Variants in TECPR2 observed in about 807,000 individuals in gnomAD.
The protein encoded by TECPR2 is tectonin beta-propeller repeat containing 2, also known as tectonin beta-propeller repeat-containing protein 2.
A neutral mutation model predicts 138.1 loss-of-function variants in TECPR2; 65 were observed. That is an observed-to-expected ratio of 0.47 (90% confidence interval 0.39 to 0.58). The LOEUF (loss-of-function observed/expected upper bound fraction) is 0.58. Ranked by LOEUF, TECPR2 falls within the 20% of genes least tolerant of loss-of-function variation. The pLI is 0.00. For missense variants in TECPR2, 1,553 were observed against 1,824.5 expected, an observed-to-expected ratio of 0.85 and a Z score of 2.71; for synonymous variants, 746 against 749.8, an observed-to-expected ratio of 0.99 and a Z score of 0.08.
intron 5 of TECPR2, among the ~76,000 whole-genome samples, chr14:102,424,184 C>T (rs1001402715): frequency 5.9e-5 from 9 of 152,176 alleles, no homozygotes; most frequent in South Asian, 2.1e-4. Flanking sequence ...AGACTTGCAC[C>T]ACATGTGACT....
intron 16 of TECPR2, among the ~76,000 whole-genome samples, chr14:102,459,377 A>G (rs993990094): frequency 6.6e-6 from 1 of 152,212 alleles, no homozygotes; most frequent in Non-Finnish European, 1.5e-5. Flanking sequence ...GTCATCACAC[A>G]CAGTAGCCTG....
chr14:102,417,603 A>G (rs1889059736), intron 5 of TECPR2, among the ~76,000 whole-genome samples: 1 of 152,254 alleles, frequency 6.6e-6, no homozygotes, highest in South Asian at 2.1e-4. Flanking sequence ...CTGGAAGAGC[A>G]TTCCAGGCTC....
At chr14:102,424,035 TG>T (rs766872253) in intron 5 of TECPR2, among the ~76,000 whole-genome samples, 4 of 152,196 alleles carry the variant, frequency 2.6e-5, no homozygotes, top group Non-Finnish European at 4.4e-5. Context: ...ACCTAACAAC[TG>T]GAATATATTC....
At chr14:102,489,345 G>A (rs1309574268) in intron 17 of TECPR2, among the ~76,000 whole-genome samples, 10 of 151,946 alleles carry the variant, frequency 6.6e-5, no homozygotes, top group South Asian at 2.1e-4. Context: ...CTGGCTGGGC[G>A]CGGTGGCTCA....
intron 17 of TECPR2, among the ~76,000 whole-genome samples, chr14:102,472,584 T>A (rs1890673368): frequency 6.6e-6 from 1 of 152,226 alleles, no homozygotes; most frequent in African/African-American, 2.4e-5. Context: ...GACATTCAGT[T>A]TGCCATGGAT....
intron 2 of TECPR2, among the ~76,000 whole-genome samples, chr14:102,396,081 T>C (rs1372004776): frequency 6.6e-6 from 1 of 151,402 alleles, no homozygotes. Flanking sequence ...GAAATACCTT[T>C]CTTGTTGAAG....
chr14:102,431,731 G>A (rs1185410201), intron 7 of TECPR2, 65 bp from the exon 8 acceptor site: 17 of 1,446,028 alleles, frequency 1.2e-5, no homozygotes, highest in Admixed American at 4.6e-5. Context: ...GCTAGCAAAC[G>A]TGGATAAGTG....
chr14:102,438,495 C>A, intron 10 of TECPR2: 1 of 325,432 alleles, frequency 3.1e-6, no homozygotes, highest in Non-Finnish European at 5.6e-6. Flanking sequence ...GTAAGCTAGA[C>A]AAAAAGTTTG....
At position 102,434,462 on chromosome 14, in the gene TECPR2, G is replaced by T. The variant is rs1257886017; in HGVS notation, c.1645G>T (p.Val549Phe). Residue 549 changes from valine (V) to phenylalanine (F), a missense_variant, in exon 9 of 20, where the codon GTC becomes TTC. By Grantham distance (50) the Val-to-Phe change is conservative (BLOSUM62 -1). Coordinates refer to ENST00000359520, the MANE Select transcript of TECPR2 (RefSeq NM_014844.5). ...AAATACTGACCCCGAAACGTTTAAT[G>T]TCCTGGAGGTGTCAGGATCAATGCC... is the stretch of plus-strand genomic sequence containing the variant. ...QENTDPETFN[V>F]LEVSGSMPDS... The T allele has an allele frequency of 1.3e-6, 2 of 1,550,538 alleles. No individual in the cohort carries two copies. The highest frequency in any genetic ancestry group is 2.7e-5 in the African/African-American group (2 of 72,938).
Position 102,449,623 on chromosome 14 carries a change from T to C in TECPR2, c.3076-6T>C. ...AGCAGGGCTTTTGCTTGTCTCCTCC[T>C]TCCAGGTGAGCATCACGGACTATGT... On this transcript the variant is annotated splice_region_variant and splice_polypyrimidine_tract_variant and intron_variant, in intron 13 of 19. Transcript: ENST00000359520. 6.2e-7 allele frequency: 1 copy of C among 1,613,830 alleles called. No individual in the cohort carries two copies. Among genetic ancestry groups the C allele is most frequent in the Non-Finnish European group, 8.5e-7 (1 of 1,179,838 alleles).
At chr14:102,487,418 G>A (rs2139793026) in intron 17 of TECPR2, among the ~76,000 whole-genome samples, 1 of 152,352 alleles carries the variant, frequency 6.6e-6, no homozygotes, top group South Asian at 2.1e-4. Flanking sequence ...TCTGACTGAG[G>A]AACATGTGTG....
chr14:102,404,202 C>G (rs1370417919), intron 2 of TECPR2, among the ~76,000 whole-genome samples: 1 of 152,054 alleles, frequency 6.6e-6, no homozygotes, highest in Admixed American at 6.6e-5. Flanking sequence ...CCCCGACTAG[C>G]CTGACTTAAT....
At chr14:102,471,422 A>T (rs1890649789) in intron 17 of TECPR2, among the ~76,000 whole-genome samples, 1 of 151,592 alleles carries the variant, frequency 6.6e-6, no homozygotes, top group Non-Finnish European at 1.5e-5. Context: ...TATAATTTGA[A>T]TTGGCTGGGC....
Position 102,434,876 on chromosome 14 carries a change from A to G in TECPR2, c.2059A>G (p.Met687Val). The G allele has an allele frequency of 1.9e-6, 3 of 1,613,728 alleles. No homozygotes were observed. The highest frequency in any genetic ancestry group is 2.2e-5 in the East Asian group (1 of 44,878). Residue 687 changes from methionine to valine, a missense_variant, in exon 9 of 20, where the codon ATG (methionine) becomes GTG (valine). Coordinates refer to ENST00000359520, the MANE Select transcript of TECPR2 (RefSeq NM_014844.5). ...CCAAGAGCAGGACATCCTAACCAGC[A>G]TGGAGGCCTCTGGCCACCTCAGCAC... ...PSQEQDILTS[M>V]EASGHLSTNL...
In TECPR2 at chr14:102,443,634, A is replaced by G. The variant is rs1306376448; in HGVS notation, c.2753-13A>G. The G allele has an allele frequency of 8.4e-6, 13 of 1,542,544 alleles. No individual in the cohort carries two copies. The highest frequency in any genetic ancestry group is 1.1e-5 in the Non-Finnish European group (13 of 1,131,704). Reference sequence around the variant, plus strand: ...CTGTGTGTCTTTGGGGCTTCTTCCCATCTTCCTGGCAGGTCTGAGCGTGGA... The same window carrying G: ...CTGTGTGTCTTTGGGGCTTCTTCCCGTCTTCCTGGCAGGTCTGAGCGTGGA... On this transcript the variant is annotated splice_polypyrimidine_tract_variant and intron_variant, in intron 11 of 19. Transcript: ENST00000359520. This position sits in a 1 kb window ranked among gnomAD's most constrained non-coding sequence, Gnocchi z 4.9.
intron 17 of TECPR2, among the ~76,000 whole-genome samples, chr14:102,468,544 A>G (rs1326575965): frequency 1.3e-5 from 2 of 152,226 alleles, no homozygotes; most frequent in South Asian, 2.1e-4. Context: ...TTTATCAGAC[A>G]CATGATTTAC....
At chr14:102,453,309 C>G (rs1436930349) in intron 16 of TECPR2, among the ~76,000 whole-genome samples, 1 of 151,648 alleles carries the variant, frequency 6.6e-6, no homozygotes, top group Non-Finnish European at 1.5e-5. Context: ...CACCCTGTCT[C>G]TACTAAAAAT....
chr14:102,408,477 C>T lies in TECPR2; in HGVS notation c.349-11C>T. On this transcript the variant is annotated splice_polypyrimidine_tract_variant and intron_variant, in intron 3 of 19. Coordinates refer to ENST00000359520, the MANE Select transcript of TECPR2 (RefSeq NM_014844.5). Reference sequence around the variant, plus strand: ...TTTTTTCTTGTGTATATTTTTATCCCTTGTTCATAGCTTCGGAGATTTGAT... The same window carrying T: ...TTTTTTCTTGTGTATATTTTTATCCTTTGTTCATAGCTTCGGAGATTTGAT... 3 of 1,593,270 alleles carry T rather than the reference C, an allele frequency of 1.9e-6. No individual in the cohort carries two copies. The highest frequency in any genetic ancestry group is 1.7e-6 in the Non-Finnish European group (2 of 1,174,362).
chr14:102,492,063 G>A (rs942457207), intron 17 of TECPR2, among the ~76,000 whole-genome samples: 2 of 152,206 alleles, frequency 1.3e-5, no homozygotes, highest in Non-Finnish European at 2.9e-5. Flanking sequence ...AAAGGCATGA[G>A]GCAAGATGAT....
Sources: gnomAD v4.1 joint callset for allele counts (sites outside exome capture counted in the v4.1 genomes callset) on GRCh38, gnomAD v4.1.1 for gene constraint, Gnocchi (gnomAD v3.1) non-coding constraint, MANE v1.5 for transcripts, NCBI Gene and HGNC (gene_info 2026-07-23, HGNC 2026-07-21) for gene names.